RANBP2: variants seen among roughly 807,000 people sequenced by gnomAD.
The protein encoded by RANBP2 is E3 SUMO-protein ligase RanBP2.
In RANBP2, 57 loss-of-function variants were observed where a neutral mutation model predicts 303.6. That is an observed-to-expected ratio of 0.19 (90% confidence interval 0.15 to 0.23). RANBP2 has a LOEUF of 0.23. Ranked by LOEUF, RANBP2 falls within the 10% of genes least tolerant of loss-of-function variation. The probability of loss-of-function intolerance (pLI) is 1.00; values close to 1 mark genes in which losing one functional copy is unlikely to be tolerated. For synonymous variants in RANBP2, 1,167 were observed against 1,301.5 expected (o/e 0.90, Z 2.23); for missense variants, 3,138 against 3,780.8 (o/e 0.83, Z 4.46).
the RANBP2 span, among the ~76,000 whole-genome samples, chr2:108,990,133 T>C: frequency 2.7e-4 from 41 of 151,968 alleles, no homozygotes; most frequent in African/African-American, 8.7e-4. Context: ...CCGTCCCTAC[T>C]AAAAATACAA....
chr2:109,261,100 C>T, the RANBP2 span, among the ~76,000 whole-genome samples: 6 of 152,230 alleles, frequency 3.9e-5, no homozygotes, highest in African/African-American at 9.6e-5. Flanking sequence ...TCTGCCAAGA[C>T]GCCCAATGGG....
chr2:109,256,798 T>C, the RANBP2 span, among the ~76,000 whole-genome samples: 1 of 152,224 alleles, frequency 6.6e-6, no homozygotes, highest in African/African-American at 2.4e-5. Context: ...GATTTTTATT[T>C]CAGGGTCTCT....
At chr2:108,724,814 G>A (rs826535) in intron 1 of RANBP2, among the ~76,000 whole-genome samples, 53,532 of 149,262 alleles carry the variant, frequency 0.36, 12,907 homozygotes, top group African/African-American at 0.7. Flanking sequence ...CTGTATAATC[G>A]CGGCCTTCAC....
chr2:109,500,724 G>A, the RANBP2 span, among the ~76,000 whole-genome samples: 18 of 152,232 alleles, frequency 1.2e-4, no homozygotes, highest in East Asian at 1.4e-3. Context: ...TGAGGCCAGC[G>A]GATCACTTGC....
the RANBP2 span, among the ~76,000 whole-genome samples, chr2:109,297,935 C>T: frequency 6.6e-6 from 1 of 151,746 alleles, no homozygotes; most frequent in Non-Finnish European, 1.5e-5. Flanking sequence ...GTGTGTTCCC[C>T]CCCCACCACC....
chr2:109,297,643 C>T, the RANBP2 span, among the ~76,000 whole-genome samples: 1 of 151,160 alleles, frequency 6.6e-6, no homozygotes, highest in Non-Finnish European at 1.5e-5. Flanking sequence ...CCCCATCCCA[C>T]CAGGCCAGTG....
intron 8 of RANBP2, among the ~76,000 whole-genome samples, chr2:108,748,118 A>G (rs957779287): frequency 3.3e-5 from 5 of 152,098 alleles, no homozygotes; most frequent in African/African-American, 1.2e-4. Context: ...TATAGCATGT[A>G]TCAGTACTTT....
chr2:109,370,927 A>G, the RANBP2 span, among the ~76,000 whole-genome samples: 1 of 152,232 alleles, frequency 6.6e-6, no homozygotes, highest in Non-Finnish European at 1.5e-5. Flanking sequence ...TTGTTCTTGG[A>G]TGAAGCCAGA....
chr2:109,093,368 AGAT>A, the RANBP2 span, among the ~76,000 whole-genome samples: 1 of 150,618 alleles, frequency 6.6e-6, no homozygotes, highest in African/African-American at 2.4e-5. Flanking sequence ...TGTCTTGGAT[AGAT>A]TTTCCTTTCT....
At chr2:108,908,789 T>G in the RANBP2 span, among the ~76,000 whole-genome samples, 1 of 152,188 alleles carries the variant, frequency 6.6e-6, no homozygotes, top group African/African-American at 2.4e-5. Flanking sequence ...AGACCTTTTT[T>G]TCTTAAAAAA....
chr2:109,364,709 C>T, the RANBP2 span, among the ~76,000 whole-genome samples: 1 of 152,148 alleles, frequency 6.6e-6, no homozygotes. Flanking sequence ...TTCTCAGTTT[C>T]CCCCACTCCT....
chr2:109,700,084 T>A, the RANBP2 span, among the ~76,000 whole-genome samples: 32 of 152,358 alleles, frequency 2.1e-4, no homozygotes, highest in African/African-American at 6.3e-4. Flanking sequence ...GATAATTTTT[T>A]AATTGTTACT....
chr2:109,442,233 C>T, the RANBP2 span, among the ~76,000 whole-genome samples: 8 of 151,580 alleles, frequency 5.3e-5, no homozygotes, highest in African/African-American at 1.9e-4. Flanking sequence ...ATGACATGAA[C>T]CTGGGAGGCA....
chr2:109,712,621 C>G, the RANBP2 span, among the ~76,000 whole-genome samples: 2 of 151,970 alleles, frequency 1.3e-5, no homozygotes, highest in South Asian at 2.1e-4. Flanking sequence ...TTAGTAGAGA[C>G]AGGGGTTTCA....
At chr2:109,598,364 G>A in the RANBP2 span, among the ~76,000 whole-genome samples, 23 of 151,732 alleles carry the variant, frequency 1.5e-4, no homozygotes, top group African/African-American at 5.1e-4. Flanking sequence ...CACTGCGCCC[G>A]GCCCTATAAT....
the RANBP2 span, among the ~76,000 whole-genome samples, chr2:109,729,583 G>A: frequency 1.3e-5 from 2 of 152,134 alleles, no homozygotes; most frequent in Non-Finnish European, 2.9e-5. Context: ...CTGGGAAGTG[G>A]AGGTTGCAGT....
chr2:108,844,748 ATTT>A, the RANBP2 span, among the ~76,000 whole-genome samples: 1 of 136,710 alleles, frequency 7.3e-6, no homozygotes, highest in Non-Finnish European at 1.6e-5. Flanking sequence ...TACTATCCAC[ATTT>A]TTTTTTTTTT....
At chr2:109,401,749 C>T in the RANBP2 span, among the ~76,000 whole-genome samples, 1 of 152,214 alleles carries the variant, frequency 6.6e-6, no homozygotes, top group Admixed American at 6.5e-5. Flanking sequence ...GCATCCTCAC[C>T]TGCACCAGCC....
At chr2:109,632,073 T>A in the RANBP2 span, among the ~76,000 whole-genome samples, 25 of 152,208 alleles carry the variant, frequency 1.6e-4, no homozygotes, top group Middle Eastern at 3.4e-3. Flanking sequence ...GCCTACAAAA[T>A]AAAATCCCAG....
Sources: allele counts gnomAD v4.1 joint callset (sites outside exome capture counted in the v4.1 genomes callset), GRCh38; gene constraint gnomAD v4.1.1; transcripts MANE v1.5; gene names NCBI Gene and HGNC (gene_info 2026-07-23, HGNC 2026-07-21).